Variants in ACO2 observed in about 807,000 individuals in gnomAD.
ACO2 encodes aconitase 2, also known as aconitate hydratase, mitochondrial.
In ACO2, 31 loss-of-function variants were observed where a neutral mutation model predicts 84.5. The ratio of observed to expected loss-of-function variants is 0.37; its 90% CI spans 0.28 to 0.50. The LOEUF is 0.50. Among genes scored for constraint, ACO2 ranks in the 20% least tolerant of loss-of-function variants. The pLI, the probability that ACO2 is intolerant of heterozygous loss-of-function variation, is 0.97. For synonymous variants in ACO2, 414 were observed against 412.7 expected (o/e 1.00, Z -0.04); for missense variants, 685 against 1,029.3 (o/e 0.67, Z 4.58).
intron 1 of ACO2, 106 bp downstream of exon 1, chr22:41,469,288 T>A: frequency 7.3e-7 from 1 of 1,374,944 alleles, no homozygotes; most frequent in South Asian, 1.3e-5. Context: ...GGGGCCAACT[T>A]CTCGTGTACC....
At chr22:41,485,082 G>C (rs1275573432) in intron 1 of ACO2, among the ~76,000 whole-genome samples, 3 of 151,904 alleles carry the variant, frequency 2.0e-5, no homozygotes, top group Admixed American at 2.0e-4. Context: ...TCTCCATGTT[G>C]GTCAGGCTAG....
At chr22:41,511,751 G>A (rs1013573756) in intron 3 of ACO2, 125 bp from the exon 4 acceptor site, 2 of 636,542 alleles carry the variant, frequency 3.1e-6, no homozygotes, top group African/African-American at 3.8e-5. Context: ...CTCTAAGAGA[G>A]GGCCTGTCTC....
intron 1 of ACO2, among the ~76,000 whole-genome samples, chr22:41,485,005 G>A (rs1025954670): frequency 4.0e-5 from 6 of 151,564 alleles, no homozygotes; most frequent in Non-Finnish European, 8.8e-5. Context: ...CTCCTGAGTA[G>A]CTGGGATTAT....
chr22:41,483,543 G>C (rs1466082811), intron 1 of ACO2, among the ~76,000 whole-genome samples: 3 of 152,016 alleles, frequency 2.0e-5, no homozygotes, highest in African/African-American at 7.2e-5. Flanking sequence ...TGTAATCCCA[G>C]CTACTCAGCA....
chr22:41,481,774 C>T (rs1569002009), intron 1 of ACO2, among the ~76,000 whole-genome samples: 2 of 152,098 alleles, frequency 1.3e-5, no homozygotes, highest in Non-Finnish European at 1.5e-5. Context: ...GGCCGGTGGT[C>T]GTGTCACGGC....
At chr22:41,482,747 A>T (rs1024536262) in intron 1 of ACO2, among the ~76,000 whole-genome samples, 10 of 152,198 alleles carry the variant, frequency 6.6e-5, no homozygotes, top group African/African-American at 2.4e-4. Flanking sequence ...CTCTCCTTTC[A>T]TCCTCACTGC....
chr22:41,475,666 G>A (rs973123710), intron 1 of ACO2, among the ~76,000 whole-genome samples: 11 of 151,362 alleles, frequency 7.3e-5, no homozygotes, highest in African/African-American at 2.7e-4. Context: ...AGGCTGAGGT[G>A]GGTGGATCAC....
intron 6 of ACO2, 107 bp from the exon 7 acceptor site, chr22:41,517,420 G>T: frequency 1.2e-6 from 1 of 864,308 alleles, no homozygotes; most frequent in Non-Finnish European, 1.9e-6. Context: ...TGAGTGGGAG[G>T]AGAAGCAATG....
chr22:41,512,031 TG>T, intron 4 of ACO2, 63 bp downstream of exon 4: 4 of 1,362,466 alleles, frequency 2.9e-6, no homozygotes, highest in Non-Finnish European at 3.0e-6. Flanking sequence ...TCCAGGCCTA[TG>T]GGGGGAGGGG....
At chr22:41,526,746 G>A in intron 15 of ACO2, 1 of 383,222 alleles carries the variant, frequency 2.6e-6, no homozygotes, top group South Asian at 4.8e-5. Context: ...GGAAGTCAGA[G>A]GCCAAAAGCT....
At chr22:41,483,277 GTC>G (rs2038111355) in intron 1 of ACO2, among the ~76,000 whole-genome samples, 1 of 152,226 alleles carries the variant, frequency 6.6e-6, no homozygotes, top group South Asian at 2.1e-4. Context: ...CCTCAGGAAT[GTC>G]TCTGTGGCCT....
At chr22:41,527,222 T>C (rs1400857632) in intron 15 of ACO2, 66 bp from the exon 16 acceptor site, 54 of 1,611,354 alleles carry the variant, frequency 3.4e-5, no homozygotes, top group Non-Finnish European at 4.4e-5. Flanking sequence ...GCCAGGCAGG[T>C]AGGGCCAGAC....
chr22:41,526,251 T>TAA lies in ACO2; in HGVS notation c.1762-10_1762-9insAA. On this transcript the variant is annotated splice_polypyrimidine_tract_variant and intron_variant, in intron 14 of 17. Transcript: ENST00000216254. ...TGCCCTGACCTCTGTCCTCTCTACTTACCACCCAAGGTCAAAGGGAAGTGT... is the reference window on the plus strand; with the variant it reads ...TGCCCTGACCTCTGTCCTCTCTACTTAAACCACCCAAGGTCAAAGGGAAGTGT... The TAA allele has an allele frequency of 6.2e-7, 1 of 1,610,120 alleles. No homozygotes were observed. The highest frequency in any genetic ancestry group is 8.5e-7 in the Non-Finnish European group (1 of 1,178,478).
intron 16 of ACO2, chr22:41,527,685 T>A: frequency 1.2e-6 from 1 of 804,968 alleles, no homozygotes; most frequent in Non-Finnish European, 1.9e-6. Flanking sequence ...TGATCATGAA[T>A]GTGCAGCAGG....
intron 9 of ACO2, among the ~76,000 whole-genome samples, chr22:41,520,764 C>T (rs1194405180): frequency 6.6e-6 from 1 of 151,806 alleles, no homozygotes; most frequent in East Asian, 1.9e-4. Context: ...ATCGCTTGAA[C>T]CCAGGAGGCG....
intron 1 of ACO2, among the ~76,000 whole-genome samples, chr22:41,474,082 G>A (rs2037978594): frequency 6.6e-6 from 1 of 152,088 alleles, no homozygotes; most frequent in Admixed American, 6.6e-5. Flanking sequence ...GGGACTGTTG[G>A]AGTCATCCCA....
intron 1 of ACO2, among the ~76,000 whole-genome samples, chr22:41,495,442 G>A (rs148449877): frequency 1.2e-4 from 19 of 152,168 alleles, no homozygotes; most frequent in African/African-American, 4.1e-4. Context: ...ATGAGCCACC[G>A]CTCCTGGCCC....
intron 15 of ACO2, 107 bp downstream of exon 15, chr22:41,526,560 C>G: frequency 7.6e-7 from 1 of 1,314,968 alleles, no homozygotes. Flanking sequence ...GGAGGCCGAC[C>G]AAGCCCAAAG....
At chr22:41,469,440 G>A (rs1197628770) in intron 1 of ACO2, 2 of 460,800 alleles carry the variant, frequency 4.3e-6, no homozygotes, top group African/African-American at 4.1e-5. Flanking sequence ...GTGAAGAGCG[G>A]AGGCACCTCT....
Sources: allele counts gnomAD v4.1 joint callset (sites outside exome capture counted in the v4.1 genomes callset), GRCh38; gene constraint gnomAD v4.1.1; transcripts MANE v1.5; gene names NCBI Gene and HGNC (gene_info 2026-07-23, HGNC 2026-07-21).